TSC2: variants seen among roughly 807,000 people sequenced by gnomAD.
TSC2 encodes tuberin.
A neutral mutation model predicts 202.2 loss-of-function variants in TSC2; 29 were observed. That is an observed-to-expected ratio of 0.14 (90% CI 0.11 to 0.20). The LOEUF is 0.20. TSC2 is among the 10% of genes least tolerant of loss of function. TSC2 has a pLI of 1.00. For synonymous variants in TSC2, 1,349 were observed against 1,044.0 expected (o/e 1.29, Z -5.63); for missense variants, 2,429 against 2,420.0 (o/e 1.00, Z -0.08).
intron 5 of TSC2, 145 bp from the exon 6 acceptor site, chr16:2,055,257 C>T (rs531917035): frequency 1.1e-4 from 85 of 751,088 alleles, no homozygotes; most frequent in South Asian, 8.2e-4. Flanking sequence ...GGGCCCAGTG[C>T]GTGGTCTGTC....
intron 12 of TSC2, 37 bp from the exon 13 acceptor site, chr16:2,062,459 GA>G: frequency 6.4e-7 from 1 of 1,567,688 alleles, no homozygotes; most frequent in Non-Finnish European, 8.7e-7. Context: ...GAGAGCGCCG[GA>G]GGGGCAGAGG....
At position 2,062,049 on chromosome 16, in the gene TSC2, G is replaced by GT. The variant is rs754912500; in HGVS notation, c.1257+42dup. 15 of 1,613,136 alleles carry GT rather than the reference G, an allele frequency of 9.3e-6. No individual in the cohort carries two copies. The African/African-American group carries it at 1.6e-4, about 17-fold the overall frequency. ...GGGTGGGGCCTTTGGGCTTTGGCTG[G>GT]TGGGGAGGGGCCGGGTGCTGGGTGA... On this transcript the variant is annotated intron_variant, in intron 12 of 41. Coordinates refer to ENST00000219476, the MANE Select transcript of TSC2 (RefSeq NM_000548.5).
rs765748278 is a variant in TSC2, at chr16:2,079,240, A to G, written c.3132-36A>G. Reference sequence around the variant, plus strand: ...GGCTGGGCGGGCCTGCGGGAGCTCCACGGGCAAGCTGGGTTTCACGCTCCC... The same window carrying G: ...GGCTGGGCGGGCCTGCGGGAGCTCCGCGGGCAAGCTGGGTTTCACGCTCCC... On this transcript the variant is annotated intron_variant, in intron 27 of 41. Coordinates refer to ENST00000219476, the MANE Select transcript of TSC2 (RefSeq NM_000548.5). This position sits in a 1 kb window ranked among gnomAD's most constrained non-coding sequence, Gnocchi z 4.6. The G allele has an allele frequency of 1.2e-4, 189 of 1,612,758 alleles. 2 individuals are homozygous for G. The South Asian group carries it at 1.7e-3, about 15-fold the overall frequency.
chr16:2,069,912 C>T (rs1378480022), intron 16 of TSC2, among the ~76,000 whole-genome samples: 3 of 152,238 alleles, frequency 2.0e-5, no homozygotes, highest in Non-Finnish European at 4.4e-5. Context: ...CACACCTGGC[C>T]TCAGTCATTT....
Position 2,049,960 on chromosome 16 carries a change from T to C in TSC2, c.139-440T>C, listed in dbSNP as rs1326723803. On this transcript the variant is annotated intron_variant, in intron 2 of 41. Coordinates refer to ENST00000219476, the MANE Select transcript of TSC2 (RefSeq NM_000548.5). ...TAAAGCCCCTCAGTAAATCTTTTTT[T>C]TTTTTTTTTTTTGAGACCGAGTTTC... 3.3e-5 allele frequency among the ~76,000 whole-genome samples: 5 copies of C among 151,290 alleles called. No homozygotes were observed. The East Asian group carries it at 9.7e-4, about 29-fold the overall frequency.
intron 3 of TSC2, among the ~76,000 whole-genome samples, chr16:2,051,705 T>C (rs994093937): frequency 6.6e-6 from 1 of 152,140 alleles, no homozygotes; most frequent in African/African-American, 2.4e-5. Context: ...AGGAGAGTGA[T>C]TGCTACCTCT....
In TSC2 at chr16:2,083,639, C is replaced by G. The variant is rs1800724; in HGVS notation, c.3884-56C>G. On this transcript the variant is annotated intron_variant, in intron 32 of 41. Transcript: ENST00000219476. ...GAAGGCTGGTTCTCGGAGGCCACGT[C>G]AGGGCCAGGGCCTGGCCCAGCCCCA... is the stretch of plus-strand genomic sequence containing the variant. 101,565 of 1,552,426 alleles carry G rather than the reference C, an allele frequency of 0.065. 3,724 individuals carry two copies. Among genetic ancestry groups the G allele is most frequent in the Non-Finnish European group, 0.07 (80,519 of 1,148,710 alleles).
chr16:2,061,015 G>A, intron 11 of TSC2: 1 of 678,342 alleles, frequency 1.5e-6, no homozygotes, highest in Non-Finnish European at 2.5e-6. Flanking sequence ...GCATCGTTTA[G>A]GCCCCAGACA....
intron 16 of TSC2, chr16:2,068,740 G>C (rs7202354): frequency 0.05 from 7,670 of 152,068 alleles, 240 homozygotes; most frequent in Middle Eastern, 0.1. Context: ...GGATGCGGTG[G>C]TGCGCACCTG....
rs2091057180 is a variant in TSC2, at chr16:2,087,928, G to A, written c.5055G>A (p.Leu1685=). The A allele has an allele frequency of 4.4e-6, 7 of 1,605,062 alleles. No homozygotes were observed. Among genetic ancestry groups the A allele is most frequent in the Non-Finnish European group, 5.1e-6 (6 of 1,174,484 alleles). Residue 1685 remains leucine (L), a synonymous_variant, in exon 39 of 42, where the codon CTG becomes CTA. Transcript: ENST00000219476. ...PLDYECNLVS[L]QCRKDMEGLV... ...ACTACGAGTGCAACCTGGTGTCCCTGCAGTGCAGGAAAGGTAGGGCCGGGT... is the reference window on the plus strand; with the variant it reads ...ACTACGAGTGCAACCTGGTGTCCCTACAGTGCAGGAAAGGTAGGGCCGGGT...
rs45517152 is a variant in TSC2 at position 2,060,676 on chromosome 16, G to A, written c.982G>A (p.Ala328Thr). 6.2e-7 allele frequency: 1 copy of A among 1,614,026 alleles called. No individual in the cohort carries two copies. The highest frequency in any genetic ancestry group is 8.5e-7 in the Non-Finnish European group (1 of 1,180,004). The change falls in exon 11 of 42, where the codon GCA (alanine) becomes ACA (threonine). Residue 328 changes from alanine (A) to threonine (T), a missense_variant. Physicochemically the swap from Ala to Thr is moderately conservative, Grantham distance 58. Coordinates refer to ENST00000219476, the MANE Select transcript of TSC2 (RefSeq NM_000548.5). ...SVLPSFYQAM[A>T]CPNEVVSYEI... ...GGCCGGGCTCGTGTTCCAGGCCATG[G>A]CATGTCCGAACGAGGTGGTGTCCTA...
chr16:2,065,476 A>G (rs2087213510), intron 15 of TSC2, 43 bp from the exon 16 acceptor site: 3 of 1,531,560 alleles, frequency 2.0e-6, no homozygotes, highest in Non-Finnish European at 9.0e-7. Flanking sequence ...CTGCTGACTC[A>G]GAACCATGAG....
At chr16:2,051,531 A>G (rs188462352) in intron 3 of TSC2, among the ~76,000 whole-genome samples, 44 of 152,266 alleles carry the variant, frequency 2.9e-4, no homozygotes, top group African/African-American at 9.1e-4. Flanking sequence ...ATTTTGGGCA[A>G]ACATTGCCAG....
rs546290877 is a variant in TSC2, at chr16:2,058,186, A to G, written c.849-561A>G. Among the ~76,000 whole-genome samples, 11 of 116,058 alleles carry G rather than the reference A, an allele frequency of 9.5e-5. 1 individual carries two copies. The South Asian group carries it at 3.1e-3, about 33-fold the overall frequency. The allele number at this position is 116,058 out of a possible 152,430, so 76.1% of individuals were successfully genotyped here. A position where few individuals can be genotyped will look rare whatever the true frequency, so the allele number is the denominator to read the frequency against. ...AGGCCCTGGGGGCCAGCCCTGCCTC[A>G]GCCTGCATCTCTCCCAGCCCTGCCC... On this transcript the variant is annotated intron_variant, in intron 9 of 41. Transcript: ENST00000219476.
chr16:2,055,051 G>T, intron 5 of TSC2: 1 of 404,898 alleles, frequency 2.5e-6, no homozygotes, highest in Non-Finnish European at 4.7e-6. Context: ...TCTCCTCCGA[G>T]CCACTCTCTG....
chr16:2,074,633 C>T (rs143553665), intron 22 of TSC2: 16 of 575,960 alleles, frequency 2.8e-5, no homozygotes, highest in East Asian at 1.5e-4. Flanking sequence ...CCTCTTCCCC[C>T]CCGAGCAGTG....
chr16:2,089,185 A>AGGTGTTGGGGGAGGCC lies in TSC2; in HGVS notation c.*576_*591dup, dbSNP rs1264780194. On this transcript the variant is annotated 3_prime_UTR_variant, in exon 42 of 42. Transcript: ENST00000219476. ...CGCCACCACACCTACCAAGCGCAGCAGGTGTTGGGGGAGGCCAGCTCTGGG... is the reference window on the plus strand; with the variant it reads ...CGCCACCACACCTACCAAGCGCAGCAGGTGTTGGGGGAGGCCGGTGTTGGGGGAGGCCAGCTCTGGG... 2 of 173,594 alleles carry AGGTGTTGGGGGAGGCC rather than the reference A, an allele frequency of 1.2e-5. No individual in the cohort carries two copies. The highest frequency in any genetic ancestry group is 2.4e-5 in the African/African-American group (1 of 41,866). The allele number at this position is 173,594 out of a possible 1,614,324, so 10.8% of individuals were successfully genotyped here. A position where few individuals can be genotyped will look rare whatever the true frequency, so the allele number is the denominator to read the frequency against.
chr16:2,077,569 G>C (rs768135390), intron 25 of TSC2, 29 bp from the exon 26 acceptor site: 2 of 1,612,222 alleles, frequency 1.2e-6, no homozygotes, highest in South Asian at 1.1e-5. Flanking sequence ...GGCTCTCTGG[G>C]GCGTTGGGGC....
At chr16:2,087,548 C>A (rs538443942) in intron 38 of TSC2, among the ~76,000 whole-genome samples, 3 of 151,546 alleles carry the variant, frequency 2.0e-5, no homozygotes, top group African/African-American at 7.3e-5. Context: ...GGGTGCACGG[C>A]TCACTTCATG....
Sources: gnomAD v4.1 joint callset for allele counts (sites outside exome capture counted in the v4.1 genomes callset) on GRCh38, gnomAD v4.1.1 for gene constraint, Gnocchi (gnomAD v3.1) non-coding constraint, MANE v1.5 for transcripts, NCBI Gene and HGNC (gene_info 2026-07-23, HGNC 2026-07-21) for gene names.